Variants in PTPRF observed in about 807,000 individuals in gnomAD.
The protein encoded by PTPRF is protein tyrosine phosphatase receptor type F, also known as receptor-type tyrosine-protein phosphatase F.
PTPRF carries 59 observed loss-of-function variants against 201.8 expected under a neutral mutation model. The observed-to-expected ratio is 0.29, with a 90% CI of 0.24 to 0.36. The LOEUF (loss-of-function observed/expected upper bound fraction) is 0.36, where lower values mean the gene tolerates loss of function less well. Ranked by LOEUF, PTPRF falls within the 10% of genes least tolerant of loss-of-function variation. PTPRF has a pLI of 1.00. For synonymous variants in PTPRF, 1,088 were observed against 1,089.7 expected, an observed-to-expected ratio of 1.00 and a Z score of 0.03; for missense variants, 2,132 against 2,690.5, an observed-to-expected ratio of 0.79 and a Z score of 4.59.
rs1319315919 is a variant in PTPRF, at chr1:43,602,111, G to T, written c.2340+14G>T. ...TCCGAGGACTATGTAAGTAACAGGT[G>T]TGCGAACGCGGACAAGACATGGGTC... On this transcript the variant is annotated intron_variant, in intron 14 of 33. Transcript: ENST00000359947. The T allele has an allele frequency of 3.1e-6, 5 of 1,611,702 alleles. No individual in the cohort carries two copies. The highest frequency in any genetic ancestry group is 3.3e-5 in the Admixed American group (2 of 60,026).
intron 2 of PTPRF, among the ~76,000 whole-genome samples, chr1:43,540,605 C>T (rs1389109003): frequency 1.3e-5 from 2 of 152,180 alleles, no homozygotes; most frequent in African/African-American, 2.4e-5. Context: ...GACCCTTTGC[C>T]GCCTCCAAGT....
chr1:43,553,637 GGTGC>G lies in PTPRF; in HGVS notation c.237+3_237+6del. The stretch of plus-strand genomic sequence containing the variant: ...AGAAAGTCAGCTCCCAGCGCTTCGA[GGTGC>G]GTCTGTGGTGGGAAGGGGTCGGCAG... On this transcript the variant is annotated splice_donor_variant and splice_donor_region_variant and intron_variant, in intron 4 of 33. Transcript: ENST00000359947. LOFTEE classifies it high-confidence loss of function. This position sits in a 1 kb window ranked among gnomAD's most constrained non-coding sequence, Gnocchi z 4.1. 6.2e-7 allele frequency: 1 copy of G among 1,614,090 alleles called. No homozygotes were observed. The highest frequency in any genetic ancestry group is 8.5e-7 in the Non-Finnish European group (1 of 1,180,024).
Position 43,553,163 on chromosome 1 carries a change from G to T in PTPRF, c.92-329G>T, listed in dbSNP as rs1557693861. 6.6e-6 allele frequency among the ~76,000 whole-genome samples: 1 copy of T among 152,292 alleles called. No individual in the cohort carries two copies. On this transcript the variant is annotated intron_variant, in intron 3 of 33. Transcript: ENST00000359947. The surrounding 1 kb of genome is among the most constrained non-coding windows in gnomAD (Gnocchi z 4.1). ...GATGTGGGGCGGGCAACAGAAGGGT[G>T]CAGTGGTAGTGTGAACTCCAGACTT... is the stretch of plus-strand genomic sequence containing the variant.
At chr1:43,606,522 A>G (rs1406712106) in intron 20 of PTPRF, 64 bp downstream of exon 20, 2 of 1,443,502 alleles carry the variant, frequency 1.4e-6, no homozygotes, top group African/African-American at 1.4e-5. Flanking sequence ...AGACGATGCC[A>G]GTCTCAAACA....
intron 5 of PTPRF, among the ~76,000 whole-genome samples, chr1:43,564,758 T>C (rs767002626): frequency 6.6e-5 from 10 of 152,084 alleles, no homozygotes; most frequent in Non-Finnish European, 1.2e-4. Context: ...GTGCCTGCGT[T>C]TGCACGGAGA....
intron 1 of PTPRF, among the ~76,000 whole-genome samples, chr1:43,534,565 C>G (rs1044992704): frequency 6.6e-6 from 1 of 152,050 alleles, no homozygotes; most frequent in African/African-American, 2.4e-5. Flanking sequence ...TCACTGAAGG[C>G]CCTGAAGCTT....
At chr1:43,559,443 G>C (rs1002343022) in intron 5 of PTPRF, among the ~76,000 whole-genome samples, 21 of 152,096 alleles carry the variant, frequency 1.4e-4, no homozygotes, top group African/African-American at 5.1e-4. Flanking sequence ...TGTGTGGGCA[G>C]TAGGCAGTGT....
chr1:43,614,042 A>G (rs979361369), intron 23 of PTPRF, among the ~76,000 whole-genome samples: 4 of 152,190 alleles, frequency 2.6e-5, no homozygotes, highest in Non-Finnish European at 4.4e-5. Context: ...ACAGACATAG[A>G]TCAGTGATAA....
chr1:43,593,086 A>T (rs753314530), intron 11 of PTPRF, among the ~76,000 whole-genome samples: 1 of 152,150 alleles, frequency 6.6e-6, no homozygotes, highest in Non-Finnish European at 1.5e-5. Context: ...CCCTGAGCTG[A>T]CTGCACTCGG....
At chr1:43,573,930 A>G (rs1451011185) in intron 6 of PTPRF, among the ~76,000 whole-genome samples, 2 of 140,084 alleles carry the variant, frequency 1.4e-5, no homozygotes, top group African/African-American at 5.4e-5. Context: ...CAGGACCTCT[A>G]CTTGTAAATA....
chr1:43,562,244 G>A (rs1645856433), intron 5 of PTPRF, among the ~76,000 whole-genome samples: 1 of 152,118 alleles, frequency 6.6e-6, no homozygotes, highest in Non-Finnish European at 1.5e-5. Flanking sequence ...GAGCAGCTGG[G>A]ACTACAGGCA....
At chr1:43,584,431 C>G (rs1648586007) in intron 7 of PTPRF, among the ~76,000 whole-genome samples, 1 of 152,222 alleles carries the variant, frequency 6.6e-6, no homozygotes, top group African/African-American at 2.4e-5. Context: ...CACCATTTTG[C>G]TGACCGGGCA....
intron 5 of PTPRF, among the ~76,000 whole-genome samples, chr1:43,565,903 G>A (rs1646142344): frequency 1.3e-5 from 2 of 152,212 alleles, no homozygotes; most frequent in Admixed American, 6.5e-5. Context: ...CTCCACCGTC[G>A]CCATGGCTAC....
rs766528777 is a variant in PTPRF at position 43,569,601 on chromosome 1, C to G, written c.391C>G (p.Pro131Ala). 3 of 1,605,612 alleles carry G rather than the reference C, an allele frequency of 1.9e-6. No individual in the cohort carries two copies. The South Asian group carries it at 3.3e-5, about 18-fold the overall frequency. The change falls in exon 6 of 34, where the codon CCC becomes GCC. Residue 131 changes from proline (P) to alanine (A), a missense_variant. Physicochemically the swap from Pro to Ala is conservative, Grantham distance 27. This residue lies in a region of PTPRF where 297 missense variants were observed against 454.0 expected (regional missense o/e 0.65). Transcript: ENST00000359947. ...KLSVLEEEQL[P>A]PGFPSIDMGP... ...CTGTTTGTCTGCAGAGGAACAGCTG[C>G]CCCCTGGGTTCCCTTCCATCGACAT...
chr1:43,557,028 G>A (rs1043160663), intron 5 of PTPRF, among the ~76,000 whole-genome samples: 6 of 152,234 alleles, frequency 3.9e-5, no homozygotes, highest in Admixed American at 2.6e-4. Flanking sequence ...GTGACCTGGG[G>A]GCAAGTATTT....
rs1654523911 is a variant in PTPRF at position 43,604,336 on chromosome 1, C to G, written c.3037+147C>G. The G allele has an allele frequency of 4.9e-6, 4 of 814,092 alleles. No homozygotes were observed. In the East Asian group the frequency reaches 8.0e-5, roughly 16 times the overall value. 50.4% of individuals were successfully genotyped at this position (814,092 alleles called of 1,614,324 possible). On this transcript the variant is annotated intron_variant, in intron 16 of 33. Coordinates refer to ENST00000359947, the MANE Select transcript of PTPRF (RefSeq NM_002840.5). ...CTCTCATGACTGTGACCACTAACCTCTAGTGAATGGGCACCACATTCTTGA... is the reference window on the plus strand; with the variant it reads ...CTCTCATGACTGTGACCACTAACCTGTAGTGAATGGGCACCACATTCTTGA...
chr1:43,613,613 C>T lies in PTPRF; in HGVS notation c.3974-5C>T, dbSNP rs1036036364. 6.8e-6 allele frequency: 11 copies of T among 1,613,030 alleles called. No homozygotes were observed. The highest frequency in any genetic ancestry group is 9.3e-6 in the Non-Finnish European group (11 of 1,179,072). ...TGCTGCCTGTGTATGCCCTACCTCC[C>T]CTAGGTATGCGAGACCACCCACCCA... On this transcript the variant is annotated splice_polypyrimidine_tract_variant and splice_region_variant and intron_variant, in intron 22 of 33. Transcript: ENST00000359947.
chr1:43,592,524 G>A lies in PTPRF; in HGVS notation c.1736G>A (p.Arg579His), dbSNP rs753304290. ...GACCTGAAGCCTGACACACTCTACCGCTTCCAGCTGGCTGCACGCTCGGAT... is the reference window on the plus strand; with the variant it reads ...GACCTGAAGCCTGACACACTCTACCACTTCCAGCTGGCTGCACGCTCGGAT... ...LEDLKPDTLY[R>H]FQLAARSDMG... Residue 579 changes from arginine to histidine, a missense_variant, in exon 11 of 34, where the codon CGC becomes CAC. Physicochemically the swap from Arg to His is conservative, Grantham distance 29 (BLOSUM62 0). Coordinates refer to ENST00000359947, the MANE Select transcript of PTPRF (RefSeq NM_002840.5). 15 of 1,612,318 alleles carry A rather than the reference G, an allele frequency of 9.3e-6. No homozygotes were observed. The highest frequency in any genetic ancestry group is 2.2e-5 in the East Asian group (1 of 44,784).
chr1:43,576,720 A>G (rs966567743), intron 6 of PTPRF, among the ~76,000 whole-genome samples: 2 of 152,194 alleles, frequency 1.3e-5, no homozygotes, highest in African/African-American at 4.8e-5. Flanking sequence ...GGGTCATGAG[A>G]ATTAGAGGAG....
Sources: allele counts gnomAD v4.1 joint callset (sites outside exome capture counted in the v4.1 genomes callset), GRCh38; gene constraint gnomAD v4.1.1; regional missense constraint gnomAD v4.1.1; non-coding constraint Gnocchi (gnomAD v3.1); transcripts MANE v1.5; gene names NCBI Gene and HGNC (gene_info 2026-07-23, HGNC 2026-07-21).